The following ROBO1 variants were observed in gnomAD, a reference collection of about 807,000 sequenced individuals.
ROBO1 encodes roundabout homolog 1.
Under a neutral mutation model 195.9 loss-of-function variants are expected in ROBO1, and 149 were observed. The ratio of observed to expected loss-of-function variants is 0.76; its 90% CI spans 0.67 to 0.87. The LOEUF is 0.87. Ranked by LOEUF, ROBO1 falls within the 40% of genes least tolerant of loss-of-function variation. The pLI is 0.00. For synonymous variants in ROBO1, 816 were observed against 733.2 expected, an observed-to-expected ratio of 1.11 and a Z score of -1.82; for missense variants, 1,933 against 2,068.3, an observed-to-expected ratio of 0.93 and a Z score of 1.27.
chr3:78,908,504 T>C (rs748466951), intron 4 of ROBO1, among the ~76,000 whole-genome samples: 92 of 151,962 alleles, frequency 6.1e-4, no homozygotes, highest in Admixed American at 5.9e-4. Flanking sequence ...TTAAAATGAA[T>C]ATATTAAAAG....
chr3:79,382,195 T>C (rs1457065835), intron 2 of ROBO1, among the ~76,000 whole-genome samples: 1 of 152,132 alleles, frequency 6.6e-6, no homozygotes, highest in African/African-American at 2.4e-5. Flanking sequence ...TCCTGAACAC[T>C]GGAAAGTTAG....
At chr3:79,500,767 T>C (rs1379074427) in intron 2 of ROBO1, among the ~76,000 whole-genome samples, 2 of 152,194 alleles carry the variant, frequency 1.3e-5, no homozygotes, top group East Asian at 3.9e-4. Flanking sequence ...TTACCACTTT[T>C]TCAGAGAGGC....
chr3:79,050,327 C>A (rs1378780299), intron 3 of ROBO1, among the ~76,000 whole-genome samples: 2 of 152,130 alleles, frequency 1.3e-5, no homozygotes, highest in African/African-American at 4.8e-5. Context: ...GTAAAGGGAT[C>A]AATTCAACAA....
chr3:79,330,465 G>C (rs527707216), intron 2 of ROBO1, among the ~76,000 whole-genome samples: 55 of 151,088 alleles, frequency 3.6e-4, no homozygotes, highest in African/African-American at 1.3e-3. Context: ...TTGACAGAAG[G>C]CAAAAGAAGA....
At position 78,948,813 on chromosome 3, in the gene ROBO1, T is replaced by G. The variant is rs529619832; in HGVS notation, c.173-9886A>C. ...AAGCTGATAAGCAACTTCAGCAAAG[T>G]CTCAGGATACAAAATCAATGTACAA... On this transcript the variant is annotated intron_variant, in intron 3 of 30. Transcript: ENST00000464233. Among the ~76,000 whole-genome samples the G allele has an allele frequency of 1.7e-3, 260 of 152,230 alleles. 11 individuals are homozygous for G. In the South Asian group the frequency reaches 0.051, roughly 30 times the overall value.
At chr3:79,018,310 G>A in intron 3 of ROBO1, 12 of 1,407,864 alleles carry the variant, frequency 8.5e-6, no homozygotes, top group Non-Finnish European at 1.2e-5. Context: ...CCTTAGGAGG[G>A]AGGGGTAACC....
intron 4 of ROBO1, among the ~76,000 whole-genome samples, chr3:78,789,628 A>G (rs985455041): frequency 6.6e-6 from 1 of 152,084 alleles, no homozygotes; most frequent in Admixed American, 6.6e-5. Context: ...TTTACCTTCA[A>G]TCTCTTTCAC....
At chr3:78,617,506 T>TAAAAAAA in intron 27 of ROBO1, 129 bp downstream of exon 27, 4 of 721,256 alleles carry the variant, frequency 5.5e-6, no homozygotes, top group Admixed American at 3.9e-5. Context: ...CTTAGGCAGC[T>TAAAAAAA]AAAAAAAAAA....
chr3:79,649,738 A>C (rs1305704511), intron 1 of ROBO1, among the ~76,000 whole-genome samples: 1 of 152,068 alleles, frequency 6.6e-6, no homozygotes, highest in African/African-American at 2.4e-5. Context: ...TATGAGTCTG[A>C]CTAGACTAGG....
intron 2 of ROBO1, among the ~76,000 whole-genome samples, chr3:79,135,096 G>C (rs569189237): frequency 3.8e-4 from 57 of 151,524 alleles, no homozygotes; most frequent in South Asian, 1.7e-3. Flanking sequence ...ACTATAATAC[G>C]TTCTTATTAA....
intron 2 of ROBO1, among the ~76,000 whole-genome samples, chr3:79,245,828 A>G (rs2082615515): frequency 6.6e-6 from 1 of 152,076 alleles, no homozygotes; most frequent in Admixed American, 6.6e-5. Flanking sequence ...TGAAACAATA[A>G]TGAAAAAAAT....
chr3:79,605,984 G>A (rs1006855483), intron 1 of ROBO1, among the ~76,000 whole-genome samples: 4 of 131,588 alleles, frequency 3.0e-5, no homozygotes, highest in African/African-American at 1.5e-4. Flanking sequence ...TTACATATAT[G>A]TGTGTGTGTA....
rs143742576 is a variant in ROBO1 at position 79,584,942 on chromosome 3, A to C, written c.88+4882T>G. Among the ~76,000 whole-genome samples the C allele has an allele frequency of 1.8e-3, 271 of 151,884 alleles. 1 individual carries two copies. The highest frequency in any genetic ancestry group is 3.3e-3 in the Non-Finnish European group (224 of 67,942). ...TAAGTCCATTATTATTGTTGCTAAA[A>C]TTATACTATAAAAAGTAACACTCAG... is the stretch of plus-strand genomic sequence containing the variant. On this transcript the variant is annotated intron_variant, in intron 2 of 30. Coordinates refer to ENST00000464233, the MANE Select transcript of ROBO1 (RefSeq NM_002941.4).
chr3:79,002,256 T>C (rs539021554), intron 3 of ROBO1, among the ~76,000 whole-genome samples: 1 of 152,234 alleles, frequency 6.6e-6, no homozygotes, highest in East Asian at 1.9e-4. Flanking sequence ...GTTGGCAGCA[T>C]TGGAAATTAG....
At chr3:79,408,915 C>T (rs781425827) in intron 2 of ROBO1, among the ~76,000 whole-genome samples, 7 of 152,038 alleles carry the variant, frequency 4.6e-5, no homozygotes, top group Non-Finnish European at 1.0e-4. Context: ...GATATACCAA[C>T]TTCTCATATT....
intron 10 of ROBO1, among the ~76,000 whole-genome samples, chr3:78,672,337 G>C (rs1708113191): frequency 6.6e-6 from 1 of 152,080 alleles, no homozygotes; most frequent in South Asian, 2.1e-4. Flanking sequence ...CCTGCACTTT[G>C]GGTGGCCAAG....
intron 3 of ROBO1, among the ~76,000 whole-genome samples, chr3:78,990,510 G>T (rs1359232942): frequency 6.6e-6 from 1 of 151,974 alleles, no homozygotes; most frequent in East Asian, 1.9e-4. Context: ...CAATGAGATT[G>T]GATTCATATT....
chr3:79,583,520 T>C (rs9866096), intron 2 of ROBO1, among the ~76,000 whole-genome samples: 26,334 of 151,798 alleles, frequency 0.17, 3,177 homozygotes, highest in African/African-American at 0.34. Flanking sequence ...TATTTCTTCC[T>C]AAGGAAGAAG....
At chr3:79,691,669 T>C (rs1947301721) in intron 1 of ROBO1, among the ~76,000 whole-genome samples, 3 of 151,876 alleles carry the variant, frequency 2.0e-5, no homozygotes, top group Non-Finnish European at 2.9e-5. Context: ...TTTTTATTTC[T>C]TATGTTAACC....
Sources: gnomAD v4.1 joint callset for allele counts (sites outside exome capture counted in the v4.1 genomes callset) on GRCh38, gnomAD v4.1.1 for gene constraint, MANE v1.5 for transcripts, NCBI Gene and HGNC (gene_info 2026-07-23, HGNC 2026-07-21) for gene names.